The following ITFG1 variants were observed in gnomAD, a reference collection of about 807,000 sequenced individuals.
ITFG1 encodes the protein integrin alpha FG-GAP repeat containing 1.
In ITFG1, 34 loss-of-function variants were observed where a neutral mutation model predicts 81.8. The observed-to-expected ratio is 0.42, with a 90% confidence interval of 0.32 to 0.55. The LOEUF is 0.55. Among genes scored for constraint, ITFG1 ranks in the 20% least tolerant of loss-of-function variants. ITFG1 has a pLI of 0.17. For synonymous variants in ITFG1, 285 were observed against 270.6 expected (o/e 1.05, Z -0.52); for missense variants, 672 against 755.4 (o/e 0.89, Z 1.29).
chr16:47,192,164 AGAGT>A (rs1965301059), intron 14 of ITFG1, among the ~76,000 whole-genome samples: 1 of 152,184 alleles, frequency 6.6e-6, no homozygotes, highest in Non-Finnish European at 1.5e-5. Flanking sequence ...TTATCCATTC[AGAGT>A]GTGTGGCTTT....
At chr16:47,430,043 G>GTCTT (rs1354247557) in intron 5 of ITFG1, among the ~76,000 whole-genome samples, 1 of 145,208 alleles carries the variant, frequency 6.9e-6, no homozygotes, top group Non-Finnish European at 1.5e-5. Context: ...GCTGTGGGTT[G>GTCTT]TCTTTTTACT....
chr16:47,207,642 G>A (rs978784303), intron 14 of ITFG1, among the ~76,000 whole-genome samples: 12 of 152,188 alleles, frequency 7.9e-5, no homozygotes, highest in South Asian at 2.1e-4. Context: ...AAAGGGGCCC[G>A]TATAACAGAT....
chr16:47,447,545 T>A (rs1004459506), intron 5 of ITFG1, among the ~76,000 whole-genome samples: 4 of 152,140 alleles, frequency 2.6e-5, no homozygotes, highest in Non-Finnish European at 5.9e-5. Context: ...TTATTTATTT[T>A]GAGACAGAGT....
intron 6 of ITFG1, among the ~76,000 whole-genome samples, chr16:47,418,261 T>C (rs1480566317): frequency 6.6e-6 from 1 of 152,232 alleles, no homozygotes; most frequent in Non-Finnish European, 1.5e-5. Context: ...GAGTTCATTG[T>C]ATATTATGGA....
At chr16:47,332,900 G>C (rs1039385269) in intron 8 of ITFG1, among the ~76,000 whole-genome samples, 7 of 152,176 alleles carry the variant, frequency 4.6e-5, no homozygotes, top group African/African-American at 1.7e-4. Context: ...AAAGGTACTA[G>C]AGCAATTTAC....
chr16:47,372,236 T>C (rs554043580), intron 7 of ITFG1, among the ~76,000 whole-genome samples: 1 of 152,134 alleles, frequency 6.6e-6, no homozygotes, highest in South Asian at 2.1e-4. Context: ...CTCTGTTTTT[T>C]GCTTTTTTAA....
intron 17 of ITFG1, among the ~76,000 whole-genome samples, chr16:47,157,115 TTAAG>T (rs558451442): frequency 3.0e-4 from 46 of 152,136 alleles, no homozygotes; most frequent in Non-Finnish European, 5.9e-4. Context: ...ATCTTGTAGG[TTAAG>T]TAAGAGAGAT....
chr16:47,461,035 G>C lies in ITFG1; in HGVS notation c.11C>G (p.Ala4Gly), dbSNP rs1398182727. The C allele has an allele frequency of 2.6e-6, 4 of 1,540,564 alleles. No homozygotes were observed. Among genetic ancestry groups the C allele is most frequent in the East Asian group, 2.5e-5 (1 of 40,798 alleles). MAA[A>G]GRLPSSWALF... ...GGCCCAGGAGCTCGGGAGCCGGCCC[G>C]CCGCCGCCATGGCAGCCCCTCAGCC... Residue 4 changes from alanine (A) to glycine (G), a missense_variant, in exon 1 of 18, where the codon GCG becomes GGG. Physicochemically the swap from Ala to Gly is moderately conservative, Grantham distance 60. This residue lies in a region of ITFG1 where 47 missense variants were observed against 26.4 expected (regional missense o/e 1.78). Transcript: ENST00000320640.
intron 13 of ITFG1, among the ~76,000 whole-genome samples, chr16:47,224,672 A>T (rs1275958122): frequency 6.6e-6 from 1 of 152,214 alleles, no homozygotes; most frequent in African/African-American, 2.4e-5. Flanking sequence ...AAATTATGAC[A>T]TGCAAAGAAA....
At chr16:47,367,684 G>A (rs780821105) in intron 7 of ITFG1, among the ~76,000 whole-genome samples, 1 of 152,182 alleles carries the variant, frequency 6.6e-6, no homozygotes, top group South Asian at 2.1e-4. Flanking sequence ...CCATGAGTAA[G>A]GAAATAAGAT....
Position 47,258,710 on chromosome 16 carries a change from CTT to C in ITFG1, c.1250_1251del (p.Lys417ArgfsTer6). On this transcript the variant is annotated frameshift_variant, in exon 12 of 18. Coordinates refer to ENST00000320640, the MANE Select transcript of ITFG1 (RefSeq NM_030790.5). LOFTEE classifies it high-confidence loss of function. ...DGILDIVVLSKGYTKNDFAIH... is the reference protein window; with the variant it reads ...DGILDIVVLSXGYTKNDFAIH... Reference sequence around the variant, plus strand: ...ATGGCAAAATCATTCTTTGTATATCCTTTACTTAGCACTACAATGTCCAAGAT... The same window carrying C: ...ATGGCAAAATCATTCTTTGTATATCCTACTTAGCACTACAATGTCCAAGAT... 6.5e-7 allele frequency: 1 copy of C among 1,548,476 alleles called. No individual in the cohort carries two copies. Among genetic ancestry groups the C allele is most frequent in the Non-Finnish European group, 8.8e-7 (1 of 1,139,810 alleles).
At chr16:47,453,962 T>G in intron 3 of ITFG1, 51 bp downstream of exon 3, 4 of 1,147,654 alleles carry the variant, frequency 3.5e-6, no homozygotes, top group Non-Finnish European at 5.0e-6. Flanking sequence ...TTTTGTTACA[T>G]TTACCTTCAT....
chr16:47,195,888 G>A (rs1965351506), intron 14 of ITFG1, among the ~76,000 whole-genome samples: 1 of 151,926 alleles, frequency 6.6e-6, no homozygotes, highest in Non-Finnish European at 1.5e-5. Context: ...CCCCCAACAG[G>A]CCCTAGTGTG....
chr16:47,282,935 CT>C (rs1966465756), intron 10 of ITFG1, among the ~76,000 whole-genome samples: 2 of 151,540 alleles, frequency 1.3e-5, no homozygotes, highest in African/African-American at 4.8e-5. Context: ...AATGGGGTTG[CT>C]TTTTTTTCTT....
intron 8 of ITFG1, among the ~76,000 whole-genome samples, chr16:47,348,404 G>A (rs1021595228): frequency 2.0e-5 from 3 of 152,162 alleles, no homozygotes; most frequent in African/African-American, 4.8e-5. Flanking sequence ...CAAGAACTAC[G>A]TGACAAATGC....
At chr16:47,261,948 T>C (rs1159689269) in intron 10 of ITFG1, among the ~76,000 whole-genome samples, 2 of 152,246 alleles carry the variant, frequency 1.3e-5, no homozygotes, top group African/African-American at 2.4e-5. Flanking sequence ...GCTGGGATAA[T>C]AGGTGTGAGA....
chr16:47,300,296 C>T (rs1467851791), intron 10 of ITFG1, among the ~76,000 whole-genome samples: 1 of 152,184 alleles, frequency 6.6e-6, no homozygotes, highest in African/African-American at 2.4e-5. Flanking sequence ...TCTATTCTAA[C>T]TGTAATTGTC....
intron 8 of ITFG1, among the ~76,000 whole-genome samples, chr16:47,331,771 G>C (rs540902744): frequency 6.6e-6 from 1 of 152,228 alleles, no homozygotes; most frequent in Admixed American, 6.5e-5. Context: ...TGCTAATTTT[G>C]AAATTTTCAT....
At chr16:47,301,239 TGA>T (rs1188774823) in intron 10 of ITFG1, among the ~76,000 whole-genome samples, 1 of 152,154 alleles carries the variant, frequency 6.6e-6, no homozygotes, top group African/African-American at 2.4e-5. Context: ...AGATTTTCAC[TGA>T]GAGACAATGG....
Sources: gnomAD v4.1 joint callset for allele counts (sites outside exome capture counted in the v4.1 genomes callset) on GRCh38, gnomAD v4.1.1 for gene constraint, gnomAD v4.1.1 regional missense constraint, MANE v1.5 for transcripts, NCBI Gene and HGNC (gene_info 2026-07-23, HGNC 2026-07-21) for gene names.